Variants in L1CAM observed in about 807,000 individuals in gnomAD.
The protein encoded by L1CAM is neural cell adhesion molecule L1.
In L1CAM, 8 loss-of-function variants were observed where a neutral mutation model predicts 93.0. The ratio of observed to expected loss-of-function variants is 0.09; its 90% CI spans 0.05 to 0.16. L1CAM has a LOEUF of 0.16. Among genes scored for constraint, L1CAM ranks in the 10% least tolerant of loss-of-function variants. The pLI is 1.00. For synonymous variants in L1CAM, 453 were observed against 453.0 expected, an observed-to-expected ratio of 1.00 and a Z score of 0.00; for missense variants, 777 against 1,073.4, an observed-to-expected ratio of 0.72 and a Z score of 3.86.
intron 2 of L1CAM, 138 bp from the exon 3 acceptor site, chrX:153,873,380 C>G (rs2064789974): frequency 1.6e-6 from 1 of 643,337 alleles, no homozygotes; most frequent in Non-Finnish European, 2.6e-6. Context: ...AGAGGAGGCC[C>G]TGGCAGTGGC....
chrX:153,882,000 G>T (rs1192478719), intron 1 of L1CAM, among the ~76,000 whole-genome samples: 2 of 111,845 alleles, frequency 1.8e-5, no homozygotes, highest in Non-Finnish European at 3.8e-5. Context: ...GCCTGAAAAG[G>T]AGAGCAGGGA....
intron 3 of L1CAM, 84 bp downstream of exon 3, chrX:153,873,144 G>C: frequency 1.0e-6 from 1 of 960,109 alleles, no homozygotes; most frequent in Non-Finnish European, 1.5e-6. Flanking sequence ...GCACTCAGGA[G>C]GGCGGGGGTG....
In L1CAM at chrX:153,871,211, C is replaced by T. The variant is rs1557093042; in HGVS notation, c.401-32G>A. 7.5e-6 allele frequency: 9 copies of T among 1,194,203 alleles called. No homozygotes were observed. In the South Asian group the frequency reaches 1.6e-4, roughly 21 times the overall value. ...GGGACAGACGGGCTGACACTCTCCT[C>T]CTGGTCCAGATGGTGCTAGGCAGGA... On this transcript the variant is annotated intron_variant, in intron 5 of 28. Transcript: ENST00000370060.
intron 16 of L1CAM, 71 bp downstream of exon 16, chrX:153,867,729 A>G: frequency 1.9e-6 from 2 of 1,036,985 alleles, no homozygotes; most frequent in African/African-American, 3.7e-5. Context: ...CTCCAGGAGG[A>G]GGGAGGACCC....
intron 2 of L1CAM, among the ~76,000 whole-genome samples, 163 bp from the exon 3 acceptor site, chrX:153,873,405 C>T (rs186162398): frequency 3.2e-4 from 36 of 112,175 alleles, no homozygotes; most frequent in Non-Finnish European, 3.2e-4. Context: ...AGGGGGCACA[C>T]GCTGGGCTGG....
At position 153,872,327 on chromosome X, in the gene L1CAM, G is replaced by A. The variant is rs781972922; in HGVS notation, c.225C>T (p.His75=). 3.3e-6 allele frequency: 4 copies of A among 1,209,046 alleles called. No homozygotes were observed. Among genetic ancestry groups the A allele is most frequent in the Non-Finnish European group, 4.5e-6 (4 of 894,798 alleles). Residue 75 remains histidine, a synonymous_variant, in exon 5 of 29, where the codon CAC becomes CAT. Transcript: ENST00000370060. ...VQFRWTRDGV[H]FKPKEELGVT... ...CACCCAGCTCTTCCTTGGGTTTGAA[G>A]TGGACACCATCCCTCGTCCAGCGGA...
chrX:153,872,812 C>A, intron 3 of L1CAM, 115 bp from the exon 4 acceptor site: 1 of 614,989 alleles, frequency 1.6e-6, no homozygotes, highest in Non-Finnish European at 2.8e-6. Flanking sequence ...GGCCCCATGG[C>A]CACAGGGGGA....
chrX:153,876,946 C>A (rs1359676108), intron 1 of L1CAM, among the ~76,000 whole-genome samples: 2 of 110,455 alleles, frequency 1.8e-5, no homozygotes, highest in African/African-American at 6.6e-5. Context: ...TTGCAGTGAG[C>A]CAAGATCGTG....
chrX:153,872,818 G>A, intron 3 of L1CAM, 121 bp from the exon 4 acceptor site: 2 of 579,066 alleles, frequency 3.5e-6, no homozygotes, highest in Non-Finnish European at 3.0e-6. Context: ...ATGGCCACAG[G>A]GGGACGAACG....
chrX:153,867,203 G>A, intron 17 of L1CAM, 79 bp from the exon 18 acceptor site: 7 of 1,001,092 alleles, frequency 7.0e-6, no homozygotes, highest in Non-Finnish European at 9.9e-6. Context: ...AGGAACAAAT[G>A]GCTCATTCTG....
rs1557092993 is a variant in L1CAM, at chrX:153,871,075, T to C, written c.505A>G (p.Ile169Val). Reference protein sequence around the residue: ...NPPPSAEPLRIYWMNSKILHI... With the variant: ...NPPPSAEPLRVYWMNSKILHI... ...CACCCACTGCTGTTCATCCAGTAGA[T>C]CCGGAGAGGCTCTGCACTTGGGGGA... The change falls in exon 6 of 29, where the codon ATC (isoleucine) becomes GTC (valine). Residue 169 changes from isoleucine (I) to valine (V), a missense_variant. Transcript: ENST00000370060. 1 of 1,208,906 alleles carries C rather than the reference T, an allele frequency of 8.3e-7. No individual in the cohort carries two copies.
chrX:153,863,277 G>A, intron 28 of L1CAM, 91 bp downstream of exon 28: 2 of 1,012,927 alleles, frequency 2.0e-6, no homozygotes, highest in Non-Finnish European at 2.8e-6. Context: ...TCCTGTCAGA[G>A]CCCCGGCAGC....
At chrX:153,883,645 C>A in intron 1 of L1CAM, 1 of 296,711 alleles carries the variant, frequency 3.4e-6, no homozygotes, top group Non-Finnish European at 6.8e-6. Context: ...CCCCGCCTCC[C>A]CCACTGTCTG....
intron 1 of L1CAM, chrX:153,884,090 T>C (rs2064863290): frequency 1.6e-6 from 1 of 617,939 alleles, no homozygotes; most frequent in Non-Finnish European, 2.4e-6. Context: ...TTTGCCTCCC[T>C]TTTCCCTTCA....
intron 6 of L1CAM, 47 bp downstream of exon 6, chrX:153,871,010 C>T (rs782089905): frequency 8.3e-6 from 10 of 1,208,806 alleles, no homozygotes; most frequent in Admixed American, 2.2e-5. Context: ...GGAAGACACC[C>T]CCGCTAACAC....
intron 25 of L1CAM, 40 bp from the exon 26 acceptor site, chrX:153,864,057 C>A: frequency 2.5e-6 from 3 of 1,209,265 alleles, no homozygotes; most frequent in Non-Finnish European, 3.4e-6. Context: ...GCCGCCCAAG[C>A]CAGAACCCGA....
At chrX:153,876,734 C>T (rs1449538134) in intron 1 of L1CAM, among the ~76,000 whole-genome samples, 1 of 112,816 alleles carries the variant, frequency 8.9e-6, no homozygotes, top group African/African-American at 3.2e-5. Context: ...TGGCTCACGC[C>T]TGTAATCCCA....
intron 22 of L1CAM, 36 bp downstream of exon 22, chrX:153,865,052 C>T (rs2064699808): frequency 8.3e-7 from 1 of 1,211,763 alleles, no homozygotes; most frequent in East Asian, 3.0e-5. Context: ...CCCGTGGCCC[C>T]TCCACCTCCC....
chrX:153,871,280 G>A, intron 5 of L1CAM, 101 bp from the exon 6 acceptor site: 1 of 768,490 alleles, frequency 1.3e-6, no homozygotes, highest in East Asian at 3.5e-5. Context: ...CACCAGGGAT[G>A]GACGAGGGGG....
Sources: allele counts gnomAD v4.1 joint callset (sites outside exome capture counted in the v4.1 genomes callset), GRCh38; gene constraint gnomAD v4.1.1; transcripts MANE v1.5; gene names NCBI Gene and HGNC (gene_info 2026-07-23, HGNC 2026-07-21).